ERC2: variants seen among roughly 807,000 people sequenced by gnomAD.
ERC2 encodes ERC protein 2.
ERC2 carries 42 observed loss-of-function variants against 114.8 expected under a neutral mutation model. The observed-to-expected ratio is 0.37, with a 90% CI of 0.29 to 0.47. The LOEUF (loss-of-function observed/expected upper bound fraction) is 0.47. Ranked by LOEUF, ERC2 falls within the 20% of genes least tolerant of loss-of-function variation. The pLI is 0.99. For synonymous variants in ERC2, 454 were observed against 425.5 expected, an observed-to-expected ratio of 1.07 and a Z score of -0.82; for missense variants, 939 against 1,150.7, an observed-to-expected ratio of 0.82 and a Z score of 2.66.
chr3:55,632,397 AT>A (rs900301650), intron 17 of ERC2, among the ~76,000 whole-genome samples: 10 of 151,708 alleles, frequency 6.6e-5, no homozygotes, highest in East Asian at 3.9e-4. Context: ...TCAAGCTCAT[AT>A]TTTTTTTTCC....
At chr3:55,765,711 G>A (rs1003819133) in intron 14 of ERC2, among the ~76,000 whole-genome samples, 1 of 152,088 alleles carries the variant, frequency 6.6e-6, no homozygotes, top group Non-Finnish European at 1.5e-5. Context: ...ATATTAATAC[G>A]AAACACTGCA....
intron 17 of ERC2, among the ~76,000 whole-genome samples, chr3:55,593,068 C>T (rs939232256): frequency 2.0e-5 from 3 of 152,134 alleles, no homozygotes; most frequent in Admixed American, 6.5e-5. Context: ...GAAAGATATG[C>T]CATGTTGTGC....
chr3:55,518,839 C>G (rs575752970), intron 17 of ERC2, among the ~76,000 whole-genome samples: 1 of 152,060 alleles, frequency 6.6e-6, no homozygotes, highest in African/African-American at 2.4e-5. Flanking sequence ...TAAACACAAC[C>G]GATAGAACAA....
intron 15 of ERC2, among the ~76,000 whole-genome samples, chr3:55,729,837 C>CAACAAAAAAAAAAAAAA (rs2065138247): frequency 1.6e-5 from 1 of 61,630 alleles, no homozygotes; most frequent in African/African-American, 8.6e-5. Context: ...GACTCTATCG[C>CAACAAAAAAAAAAAAAA]AAAAAAAAAA....
At chr3:55,581,909 C>T (rs765842574) in intron 17 of ERC2, among the ~76,000 whole-genome samples, 4 of 152,130 alleles carry the variant, frequency 2.6e-5, no homozygotes, top group South Asian at 2.1e-4. Flanking sequence ...GTCATGAGGC[C>T]GATCATTTGT....
At chr3:56,421,406 T>C (rs1216582932) in intron 2 of ERC2, among the ~76,000 whole-genome samples, 2 of 152,192 alleles carry the variant, frequency 1.3e-5, no homozygotes, top group South Asian at 2.1e-4. Context: ...ACCTTTTCCA[T>C]AGCTCTGCTG....
intron 3 of ERC2, among the ~76,000 whole-genome samples, chr3:56,231,151 G>A (rs1178852922): frequency 1.3e-5 from 2 of 152,166 alleles, no homozygotes; most frequent in African/African-American, 2.4e-5. Flanking sequence ...ATATATACAT[G>A]TATCATAGCT....
chr3:55,736,638 A>C (rs1376544394), intron 14 of ERC2, among the ~76,000 whole-genome samples: 4 of 152,182 alleles, frequency 2.6e-5, no homozygotes, highest in Admixed American at 1.3e-4. Context: ...CCCTCAGCAC[A>C]TAGCGAGTGC....
chr3:55,577,570 A>T (rs1202088214), intron 17 of ERC2, among the ~76,000 whole-genome samples: 1 of 152,112 alleles, frequency 6.6e-6, no homozygotes, highest in Non-Finnish European at 1.5e-5. Context: ...GGCTGGTGGG[A>T]AGTACAAACC....
At chr3:55,727,146 T>G (rs1175972568) in intron 15 of ERC2, among the ~76,000 whole-genome samples, 1 of 152,158 alleles carries the variant, frequency 6.6e-6, no homozygotes, top group Non-Finnish European at 1.5e-5. Flanking sequence ...TATTTTGATG[T>G]CAGTCCTTTT....
chr3:55,917,707 G>A (rs758653167), intron 13 of ERC2, among the ~76,000 whole-genome samples: 1 of 152,100 alleles, frequency 6.6e-6, no homozygotes, highest in Non-Finnish European at 1.5e-5. Flanking sequence ...TAACAAAAAT[G>A]TTCTAAAATT....
chr3:56,136,937 T>A (rs1278197999), intron 6 of ERC2, among the ~76,000 whole-genome samples: 1 of 152,208 alleles, frequency 6.6e-6, no homozygotes, highest in Non-Finnish European at 1.5e-5. Flanking sequence ...GGAGAATAAT[T>A]TTTTTCTACT....
chr3:56,267,975 A>G (rs1315978475), intron 3 of ERC2, among the ~76,000 whole-genome samples: 1 of 152,146 alleles, frequency 6.6e-6, no homozygotes, highest in African/African-American at 2.4e-5. Flanking sequence ...GATTTTAGGT[A>G]CTCTTACCAC....
intron 1 of ERC2, among the ~76,000 whole-genome samples, chr3:56,449,784 C>G (rs546132061): frequency 2.4e-4 from 37 of 152,302 alleles, no homozygotes; most frequent in African/African-American, 8.4e-4. Context: ...AGCACAATAC[C>G]TAGCACACAG....
At chr3:55,907,676 A>T (rs1246287212) in intron 13 of ERC2, among the ~76,000 whole-genome samples, 1 of 152,194 alleles carries the variant, frequency 6.6e-6, no homozygotes, top group Admixed American at 6.5e-5. Context: ...TGGACTGATG[A>T]AGGCTCAGAT....
At chr3:55,596,014 G>C (rs1425375361) in intron 17 of ERC2, among the ~76,000 whole-genome samples, 1 of 152,178 alleles carries the variant, frequency 6.6e-6, no homozygotes, top group African/African-American at 2.4e-5. Context: ...CTAACCTAAG[G>C]TGATCCATTA....
chr3:56,347,913 G>GT (rs569913707), intron 2 of ERC2, among the ~76,000 whole-genome samples: 54 of 152,272 alleles, frequency 3.5e-4, no homozygotes, highest in Middle Eastern at 3.4e-3. Context: ...AATGCTCTCT[G>GT]TTGAAGTAAT....
intron 13 of ERC2, among the ~76,000 whole-genome samples, chr3:55,923,513 T>C (rs1459566781): frequency 6.6e-6 from 1 of 152,056 alleles, no homozygotes; most frequent in Non-Finnish European, 1.5e-5. Context: ...ATGTTATATA[T>C]ATTTTGCCAC....
rs569951053 is a variant in ERC2 at position 55,595,874 on chromosome 3, A to C, written c.*40-84598T>G. The stretch of plus-strand genomic sequence containing the variant: ...CAGGCAATAAAGTGTAGGTCTTAGC[A>C]AATGAAAGTTGGAAATCCACACTCC... On this transcript the variant is annotated intron_variant, in intron 17 of 17. Coordinates refer to ENST00000288221, the MANE Select transcript of ERC2 (RefSeq NM_015576.3). Among the ~76,000 whole-genome samples, 6 of 152,144 alleles carry C rather than the reference A, an allele frequency of 3.9e-5. No individual in the cohort carries two copies. In the South Asian group the frequency reaches 1.2e-3, roughly 32 times the overall value.
Sources: gnomAD v4.1 joint callset for allele counts (sites outside exome capture counted in the v4.1 genomes callset) on GRCh38, gnomAD v4.1.1 for gene constraint, MANE v1.5 for transcripts, NCBI Gene and HGNC (gene_info 2026-07-23, HGNC 2026-07-21) for gene names.